The following SAP130 variants were observed in gnomAD, a reference collection of about 807,000 sequenced individuals.
SAP130 encodes the protein histone deacetylase complex subunit SAP130.
A neutral mutation model predicts 103.2 loss-of-function variants in SAP130; 16 were observed. That is an observed-to-expected ratio of 0.16 (90% CI 0.10 to 0.24). SAP130 has a LOEUF of 0.24. SAP130 is among the 10% of genes least tolerant of loss of function. SAP130 has a pLI of 1.00. For synonymous variants in SAP130, 477 were observed against 497.0 expected, an observed-to-expected ratio of 0.96 and a Z score of 0.53; for missense variants, 990 against 1,359.7, an observed-to-expected ratio of 0.73 and a Z score of 4.28.
At chr2:127,967,996 A>C (rs1347256386) in intron 15 of SAP130, among the ~76,000 whole-genome samples, 2 of 152,218 alleles carry the variant, frequency 1.3e-5, no homozygotes, top group Non-Finnish European at 2.9e-5. Context: ...AAAATGGAAA[A>C]ATTCACAATG....
intron 15 of SAP130, among the ~76,000 whole-genome samples, chr2:127,964,930 C>T (rs543659164): frequency 1.1e-4 from 17 of 148,558 alleles, no homozygotes; most frequent in African/African-American, 3.2e-4. Flanking sequence ...ACCCGGGAGG[C>T]GGAAGTTGCA....
chr2:127,961,762 T>G (rs1194719481), intron 15 of SAP130, among the ~76,000 whole-genome samples: 1 of 152,136 alleles, frequency 6.6e-6, no homozygotes, highest in Non-Finnish European at 1.5e-5. Flanking sequence ...ACGAACCACT[T>G]GCTGTCAGAG....
At chr2:127,997,851 TGCCTATAATCCC>T (rs1293899421) in intron 10 of SAP130, among the ~76,000 whole-genome samples, 1 of 152,226 alleles carries the variant, frequency 6.6e-6, no homozygotes, top group African/African-American at 2.4e-5. Flanking sequence ...CAGTGGCTCA[TGCCTATAATCCC>T]AACACTTTGG....
intron 15 of SAP130, among the ~76,000 whole-genome samples, chr2:127,970,522 A>G (rs1294354187): frequency 7.0e-6 from 1 of 142,082 alleles, no homozygotes; most frequent in Non-Finnish European, 1.5e-5. Context: ...GCCTGGCGAC[A>G]GAGAGCAAGA....
chr2:127,977,424 T>C (rs1194160455), intron 15 of SAP130, among the ~76,000 whole-genome samples: 6 of 149,942 alleles, frequency 4.0e-5, no homozygotes, highest in Non-Finnish European at 8.9e-5. Flanking sequence ...TGCTTGAACA[T>C]GGGAGGCCGA....
intron 15 of SAP130, among the ~76,000 whole-genome samples, chr2:127,956,485 A>T (rs553642451): frequency 1.3e-5 from 2 of 148,264 alleles, no homozygotes; most frequent in African/African-American, 5.0e-5. Context: ...GTTCTCACTC[A>T]TAGGTGGGAA....
chr2:127,981,146 C>T (rs1681841528), intron 14 of SAP130, among the ~76,000 whole-genome samples: 1 of 151,962 alleles, frequency 6.6e-6, no homozygotes, highest in Non-Finnish European at 1.5e-5. Context: ...AAAAGACAAA[C>T]CCCCACCCCA....
chr2:128,011,291 G>A (rs935687755), intron 6 of SAP130, among the ~76,000 whole-genome samples: 1 of 152,204 alleles, frequency 6.6e-6, no homozygotes, highest in Non-Finnish European at 1.5e-5. Context: ...TGGACAGAGT[G>A]CCCTTATCAC....
Position 128,000,466 on chromosome 2 carries a change from A to G in SAP130, c.870-12T>C. On this transcript the variant is annotated splice_polypyrimidine_tract_variant and intron_variant, in intron 7 of 20. Transcript: ENST00000643581. ...ACAAGGTTGGCCTACTGAAAAGATA[A>G]CAAAGACACAATGCAGATGGGCAAG... 3 of 1,614,080 alleles carry G rather than the reference A, an allele frequency of 1.9e-6. No homozygotes were observed. The highest frequency in any genetic ancestry group is 2.5e-6 in the Non-Finnish European group (3 of 1,179,980).
intron 14 of SAP130, among the ~76,000 whole-genome samples, chr2:127,983,820 GTTGTTTTTTTT>G (rs1375074412): frequency 1.2e-4 from 13 of 112,354 alleles, no homozygotes; most frequent in Admixed American, 6.0e-4. Context: ...CTATTACTTT[GTTGTTTTTTTT>G]TTTTTTTTTT....
intron 14 of SAP130, among the ~76,000 whole-genome samples, chr2:127,982,111 A>G (rs1681983861): frequency 6.6e-6 from 1 of 151,778 alleles, no homozygotes; most frequent in Non-Finnish European, 1.5e-5. Flanking sequence ...TGATGAAAAA[A>G]AGACGGACAG....
chr2:128,026,970 C>T (rs1355765623), intron 1 of SAP130: 19 of 954,934 alleles, frequency 2.0e-5, no homozygotes, highest in South Asian at 4.4e-5. Flanking sequence ...GCGAAGCCCC[C>T]GCTGAGACCG....
intron 15 of SAP130, among the ~76,000 whole-genome samples, chr2:127,962,595 G>A (rs1680335219): frequency 6.6e-6 from 1 of 152,034 alleles, no homozygotes; most frequent in Admixed American, 6.6e-5. Flanking sequence ...GGATGAAACT[G>A]GAAACCATCA....
At chr2:127,995,452 T>C (rs1683109619) in intron 11 of SAP130, among the ~76,000 whole-genome samples, 2 of 152,270 alleles carry the variant, frequency 1.3e-5, no homozygotes, top group South Asian at 2.1e-4. Flanking sequence ...TGGATTCTAA[T>C]AATGAATAAA....
rs1381402895 is a variant in SAP130, at chr2:127,996,146, T to C, written c.1355+204A>G. On this transcript the variant is annotated intron_variant, in intron 11 of 20. Transcript: ENST00000643581. The surrounding 1 kb of genome is among the most constrained non-coding windows in gnomAD (Gnocchi z 4.3). ...CACACAAAACCCAAAAAATGGATAC[T>C]AGGAAAACATCCATCAAAAGGAGAC... 6.6e-6 allele frequency among the ~76,000 whole-genome samples: 1 copy of C among 151,648 alleles called. No individual in the cohort carries two copies. The highest frequency in any genetic ancestry group is 1.5e-5 in the Non-Finnish European group (1 of 67,926).
intron 19 of SAP130, among the ~76,000 whole-genome samples, chr2:127,943,626 T>C (rs1488439062): frequency 6.6e-6 from 1 of 152,230 alleles, no homozygotes; most frequent in Non-Finnish European, 1.5e-5. Flanking sequence ...TATCTAAACG[T>C]ATCTATACAT....
At chr2:127,962,873 TATA>T (rs766142430) in intron 15 of SAP130, among the ~76,000 whole-genome samples, 1 of 148,256 alleles carries the variant, frequency 6.7e-6, no homozygotes, top group African/African-American at 2.5e-5. Context: ...AAACTTAAAG[TATA>T]ATAATAATAA....
intron 15 of SAP130, among the ~76,000 whole-genome samples, chr2:127,977,200 T>C (rs1315271957): frequency 6.6e-6 from 1 of 152,052 alleles, no homozygotes; most frequent in Non-Finnish European, 1.5e-5. Flanking sequence ...GAACAAATAC[T>C]GTCATAAGGC....
Position 127,989,545 on chromosome 2 carries a change from T to G in SAP130, c.1780+19A>C. On this transcript the variant is annotated intron_variant, in intron 13 of 20. Transcript: ENST00000643581. The surrounding 1 kb of genome is among the most constrained non-coding windows in gnomAD (Gnocchi z 4.6). ...TTTCTTTTCTCCAAACCACCTTCTA[T>G]GCAAAAATTTAAAATTACCTGAAGT... The G allele has an allele frequency of 6.3e-7, 1 of 1,586,664 alleles. No homozygotes were observed. The highest frequency in any genetic ancestry group is 8.6e-7 in the Non-Finnish European group (1 of 1,164,352).
Sources: gnomAD v4.1 joint callset for allele counts (sites outside exome capture counted in the v4.1 genomes callset) on GRCh38, gnomAD v4.1.1 for gene constraint, Gnocchi (gnomAD v3.1) non-coding constraint, MANE v1.5 for transcripts, NCBI Gene and HGNC (gene_info 2026-07-23, HGNC 2026-07-21) for gene names.